Variants in BRINP3 observed in about 807,000 individuals in gnomAD.
BRINP3 encodes BMP/retinoic acid-inducible neural-specific protein 3.
In BRINP3, 19 loss-of-function variants were observed where a neutral mutation model predicts 71.0. That is an observed-to-expected ratio of 0.27 (90% CI 0.19 to 0.39). BRINP3 has a LOEUF of 0.39. Among genes scored for constraint, BRINP3 ranks in the 10% least tolerant of loss-of-function variants. The pLI, the probability that BRINP3 is intolerant of heterozygous loss-of-function variation, is 1.00. For synonymous variants in BRINP3, 380 were observed against 337.7 expected (o/e 1.13, Z -1.37); for missense variants, 959 against 940.8 (o/e 1.02, Z -0.25).
chr1:190,264,238 T>C (rs893262674), intron 4 of BRINP3, among the ~76,000 whole-genome samples: 29 of 152,324 alleles, frequency 1.9e-4, no homozygotes, highest in Admixed American at 1.8e-3. Flanking sequence ...AACTAAATTA[T>C]TCTCCTCTTT....
chr1:190,348,885 A>G (rs188010991), intron 2 of BRINP3, among the ~76,000 whole-genome samples: 45 of 152,298 alleles, frequency 3.0e-4, no homozygotes, highest in Non-Finnish European at 5.3e-4. Flanking sequence ...CAGTAGATGA[A>G]AACAGGCACC....
At chr1:190,178,381 T>G (rs1457080667) in intron 6 of BRINP3, among the ~76,000 whole-genome samples, 3 of 152,156 alleles carry the variant, frequency 2.0e-5, no homozygotes, top group African/African-American at 7.2e-5. Flanking sequence ...TTATTATTGT[T>G]AGTGTTATAA....
chr1:190,130,456 T>C (rs967600513), intron 7 of BRINP3, among the ~76,000 whole-genome samples: 2 of 152,048 alleles, frequency 1.3e-5, no homozygotes, highest in African/African-American at 2.4e-5. Flanking sequence ...ATTTTAATCA[T>C]CTGAAGAGTG....
At chr1:190,254,704 T>C (rs142135297) in intron 4 of BRINP3, among the ~76,000 whole-genome samples, 31 of 152,298 alleles carry the variant, frequency 2.0e-4, no homozygotes, top group Middle Eastern at 3.4e-3. Flanking sequence ...AAATATACAA[T>C]CATGTCTTCA....
intron 2 of BRINP3, among the ~76,000 whole-genome samples, chr1:190,447,695 C>T (rs897830192): frequency 6.7e-5 from 10 of 150,252 alleles, no homozygotes; most frequent in Non-Finnish European, 8.9e-5. Flanking sequence ...CTTTCACATA[C>T]GAAGATGTTT....
chr1:190,117,302 C>T (rs2102303958), intron 7 of BRINP3, among the ~76,000 whole-genome samples: 1 of 152,068 alleles, frequency 6.6e-6, no homozygotes, highest in South Asian at 2.1e-4. Context: ...TATTTATTAA[C>T]TTCCTACTCT....
chr1:190,159,599 C>G (rs879769081), intron 7 of BRINP3, among the ~76,000 whole-genome samples: 1 of 151,880 alleles, frequency 6.6e-6, no homozygotes, highest in Admixed American at 6.6e-5. Flanking sequence ...TTGTACGATC[C>G]CATTTACAGA....
intron 2 of BRINP3, among the ~76,000 whole-genome samples, chr1:190,407,407 A>G (rs1672353223): frequency 6.6e-6 from 1 of 152,164 alleles, no homozygotes; most frequent in Non-Finnish European, 1.5e-5. Context: ...ACCTTACATA[A>G]TAGATCATCA....
At chr1:190,453,800 A>G (rs534368954) in intron 2 of BRINP3, among the ~76,000 whole-genome samples, 3 of 152,226 alleles carry the variant, frequency 2.0e-5, no homozygotes, top group Non-Finnish European at 4.4e-5. Flanking sequence ...ATATAGGAGT[A>G]TCTACATAGA....
At chr1:190,268,493 A>G (rs1380059983) in intron 3 of BRINP3, among the ~76,000 whole-genome samples, 1 of 152,204 alleles carries the variant, frequency 6.6e-6, no homozygotes, top group African/African-American at 2.4e-5. Context: ...TATTAAAATC[A>G]GAACCAGACA....
At chr1:190,362,299 A>C (rs1419972514) in intron 2 of BRINP3, 1 of 152,112 alleles carries the variant, frequency 6.6e-6, no homozygotes, top group Non-Finnish European at 1.5e-5. Flanking sequence ...AGTTAATATG[A>C]CTCATGCTAG....
chr1:190,329,722 C>A (rs892692320), intron 2 of BRINP3, among the ~76,000 whole-genome samples: 1 of 151,960 alleles, frequency 6.6e-6, no homozygotes. Flanking sequence ...ACAAAGTCAG[C>A]GGCATCACGT....
intron 2 of BRINP3, among the ~76,000 whole-genome samples, chr1:190,339,308 C>G (rs2103105546): frequency 6.6e-6 from 1 of 152,010 alleles, no homozygotes; most frequent in Admixed American, 6.6e-5. Flanking sequence ...GGATTGTAAT[C>G]CTAGACTAGA....
chr1:190,433,834 T>G (rs1489952400), intron 2 of BRINP3, among the ~76,000 whole-genome samples: 1 of 152,166 alleles, frequency 6.6e-6, no homozygotes, highest in Non-Finnish European at 1.5e-5. Context: ...ATGTTAAATT[T>G]TTGCCACTTA....
intron 4 of BRINP3, among the ~76,000 whole-genome samples, chr1:190,236,758 C>G (rs2102749643): frequency 6.6e-6 from 1 of 151,846 alleles, no homozygotes; most frequent in South Asian, 2.1e-4. Flanking sequence ...TTAGTGACAG[C>G]CTAAGGGCAA....
At chr1:190,201,454 T>C (rs1197574152) in intron 6 of BRINP3, among the ~76,000 whole-genome samples, 1 of 152,012 alleles carries the variant, frequency 6.6e-6, no homozygotes, top group Non-Finnish European at 1.5e-5. Flanking sequence ...GAAAAGAAAA[T>C]CCCATTTTAG....
chr1:190,235,055 A>G (rs1658380561), intron 4 of BRINP3, among the ~76,000 whole-genome samples: 1 of 151,376 alleles, frequency 6.6e-6, no homozygotes, highest in African/African-American at 2.4e-5. Context: ...AACATCCTCC[A>G]CTCCCACCTC....
At chr1:190,102,482 C>G (rs1651785973) in intron 7 of BRINP3, among the ~76,000 whole-genome samples, 1 of 152,110 alleles carries the variant, frequency 6.6e-6, no homozygotes, top group African/African-American at 2.4e-5. Flanking sequence ...TTACGGTCTA[C>G]TTGGGCTAAG....
At chr1:190,437,310 C>G (rs2102538452) in intron 2 of BRINP3, among the ~76,000 whole-genome samples, 1 of 151,838 alleles carries the variant, frequency 6.6e-6, no homozygotes, top group East Asian at 1.9e-4. Context: ...ACACAAACAG[C>G]CTCCATGCAA....
Sources: gnomAD v4.1 joint callset for allele counts (sites outside exome capture counted in the v4.1 genomes callset) on GRCh38, gnomAD v4.1.1 for gene constraint, MANE v1.5 for transcripts, NCBI Gene and HGNC (gene_info 2026-07-23, HGNC 2026-07-21) for gene names.